The following TSHR variants were observed in gnomAD, a reference collection of about 807,000 sequenced individuals.
TSHR encodes the protein thyroid stimulating hormone receptor, also known as thyrotropin receptor.
Under a neutral mutation model 64.1 loss-of-function variants are expected in TSHR, and 51 were observed. The observed-to-expected ratio is 0.80, with a 90% CI of 0.64 to 1.01. The LOEUF is 1.01. Ranked by LOEUF, TSHR falls within the 50% of genes least tolerant of loss-of-function variation. The pLI, the probability that TSHR is intolerant of heterozygous loss-of-function variation, is 0.00. For synonymous variants in TSHR, 361 were observed against 361.9 expected (o/e 1.00, Z 0.03); for missense variants, 877 against 942.8 (o/e 0.93, Z 0.91).
At chr14:80,980,265 A>T (rs1365469313) in intron 1 of TSHR, among the ~76,000 whole-genome samples, 1 of 152,026 alleles carries the variant, frequency 6.6e-6, no homozygotes, top group East Asian at 1.9e-4. Flanking sequence ...ACCCTTTTCC[A>T]TCTTTAATGC....
chr14:81,020,286 A>G (rs1425148534), intron 1 of TSHR, among the ~76,000 whole-genome samples: 1 of 152,164 alleles, frequency 6.6e-6, no homozygotes, highest in Non-Finnish European at 1.5e-5. Context: ...GGAGTCCCCA[A>G]CCCTGGGGCC....
At chr14:80,985,174 C>T (rs570716983) in intron 1 of TSHR, among the ~76,000 whole-genome samples, 7 of 152,288 alleles carry the variant, frequency 4.6e-5, no homozygotes, top group African/African-American at 9.6e-5. Context: ...GGCGTGAACC[C>T]GGGAGGCGGA....
At chr14:81,107,275 A>C (rs1595125503) in intron 7 of TSHR, 1 of 152,180 alleles carries the variant, frequency 6.6e-6, no homozygotes, top group East Asian at 1.9e-4. Context: ...CCGTAAGTAG[A>C]ATAATGGAAG....
intron 8 of TSHR, among the ~76,000 whole-genome samples, chr14:81,137,117 T>C (rs1195209016): frequency 6.6e-6 from 1 of 152,208 alleles, no homozygotes; most frequent in Non-Finnish European, 1.5e-5. Context: ...CTGAATCACC[T>C]GGAGAGCATC....
chr14:81,043,605 C>T (rs111806423), intron 1 of TSHR, among the ~76,000 whole-genome samples: 1,521 of 152,074 alleles, frequency 0.01, 20 homozygotes, highest in Middle Eastern at 0.031. Flanking sequence ...AATATGAAAC[C>T]AAACAGAGCC....
chr14:80,960,352 G>A (rs1192039595), intron 1 of TSHR, among the ~76,000 whole-genome samples: 2 of 152,146 alleles, frequency 1.3e-5, no homozygotes, highest in African/African-American at 4.8e-5. Flanking sequence ...CCAAGCTAAA[G>A]AGAAGCCCCC....
chr14:81,096,742 C>T, intron 7 of TSHR, 35 bp downstream of exon 7: 3 of 1,606,342 alleles, frequency 1.9e-6, no homozygotes, highest in Non-Finnish European at 2.6e-6. Context: ...CTGTCACTTT[C>T]CCTTACCCTA....
Position 81,139,672 on chromosome 14 carries a change from C to T in TSHR, c.693-7C>T, listed in dbSNP as rs777570668. The T allele has an allele frequency of 1.2e-6, 2 of 1,613,920 alleles. No individual in the cohort carries two copies. Among genetic ancestry groups the T allele is most frequent in the Non-Finnish European group, 1.7e-6 (2 of 1,180,036 alleles). The stretch of plus-strand genomic sequence containing the variant: ...CTCTCTGCATTTTTCTGTTCTCTGC[C>T]TCCCAGGGACGTGTCTCAAACCAGT... On this transcript the variant is annotated splice_region_variant and splice_polypyrimidine_tract_variant and intron_variant, in intron 8 of 9. Transcript: ENST00000298171.
intron 7 of TSHR, chr14:81,104,016 A>G: frequency 1.0e-6 from 1 of 985,464 alleles, no homozygotes; most frequent in Non-Finnish European, 1.2e-6. Context: ...ATCTTGGCAC[A>G]CTGGGAAAAG....
intron 8 of TSHR, 167 bp downstream of exon 8, chr14:81,108,619 C>G: frequency 6.2e-7 from 1 of 1,613,586 alleles, no homozygotes; most frequent in Non-Finnish European, 8.5e-7. Context: ...TAGGCTACCT[C>G]TTGGAAGAAA....
intron 8 of TSHR, among the ~76,000 whole-genome samples, chr14:81,130,725 C>G (rs1891205227): frequency 1.1e-5 from 1 of 90,988 alleles, no homozygotes; most frequent in Admixed American, 8.5e-5. Context: ...GGCGCGGTGG[C>G]TCACGCCTGT....
intron 1 of TSHR, 122 bp from the exon 2 acceptor site, chr14:81,062,026 T>C (rs1171606927): frequency 3.7e-6 from 3 of 804,144 alleles, no homozygotes; most frequent in African/African-American, 3.5e-5. Context: ...TTGTTGATTA[T>C]GTATCAGCCA....
At chr14:80,977,502 G>C (rs1394708566) in intron 1 of TSHR, among the ~76,000 whole-genome samples, 4 of 152,232 alleles carry the variant, frequency 2.6e-5, no homozygotes, top group Non-Finnish European at 5.9e-5. Flanking sequence ...GTCTCAAACA[G>C]GGCTCAGTAG....
At chr14:81,120,235 T>C (rs887640101) in intron 8 of TSHR, among the ~76,000 whole-genome samples, 12 of 152,184 alleles carry the variant, frequency 7.9e-5, no homozygotes, top group Admixed American at 5.9e-4. Context: ...AAAGTCACCA[T>C]GGTAATGCCC....
At chr14:81,062,889 G>A (rs973596521) in intron 2 of TSHR, among the ~76,000 whole-genome samples, 1 of 152,108 alleles carries the variant, frequency 6.6e-6, no homozygotes, top group Non-Finnish European at 1.5e-5. Flanking sequence ...TTGGCCAAAT[G>A]TACTCACTCC....
At chr14:81,083,139 A>G (rs1328835370) in intron 3 of TSHR, among the ~76,000 whole-genome samples, 2 of 151,580 alleles carry the variant, frequency 1.3e-5, no homozygotes, top group Non-Finnish European at 2.9e-5. Context: ...TTTCCCATAT[A>G]CTCTTTGAGG....
At chr14:81,073,036 A>ATG (rs1191000838) in intron 3 of TSHR, among the ~76,000 whole-genome samples, 8 of 133,960 alleles carry the variant, frequency 6.0e-5, no homozygotes, top group African/African-American at 2.3e-4. Context: ...ATATATATAT[A>ATG]TATATATATA....
At position 81,092,558 on chromosome 14, in the gene TSHR, G is replaced by A. The variant is rs773757026; in HGVS notation, c.495G>A (p.Thr165=). The change falls in exon 6 of 10, where the codon ACG becomes ACA. Residue 165 remains threonine, a synonymous_variant. Coordinates refer to ENST00000298171, the MANE Select transcript of TSHR (RefSeq NM_000369.5). The part of the protein sequence containing the change: ...ILEITDNPYM[T]SIPVNAFQGL... ...AAATTACAGACAACCCTTACATGAC[G>A]TCAATCCCTGTGAATGCTTTTCAGG... 5.2e-5 allele frequency: 84 copies of A among 1,613,960 alleles called. No individual in the cohort carries two copies. The Admixed American group carries it at 7.3e-4, about 14-fold the overall frequency.
At chr14:80,958,892 G>A (rs149642349) in intron 1 of TSHR, among the ~76,000 whole-genome samples, 6 of 152,126 alleles carry the variant, frequency 3.9e-5, no homozygotes, top group Non-Finnish European at 8.8e-5. Flanking sequence ...AAAATGTAAG[G>A]TATTTTGTTC....
Sources: allele counts gnomAD v4.1 joint callset (sites outside exome capture counted in the v4.1 genomes callset), GRCh38; gene constraint gnomAD v4.1.1; transcripts MANE v1.5; gene names NCBI Gene and HGNC (gene_info 2026-07-23, HGNC 2026-07-21).